Variants in HEATR5B observed in about 807,000 individuals in gnomAD.
The protein encoded by HEATR5B is HEAT repeat containing 5B.
A neutral mutation model predicts 224.1 loss-of-function variants in HEATR5B; 156 were observed. The ratio of observed to expected loss-of-function variants is 0.70; its 90% CI spans 0.61 to 0.80. HEATR5B has a LOEUF of 0.80. Ranked by LOEUF, HEATR5B falls within the 30% of genes least tolerant of loss-of-function variation. The pLI, the probability that HEATR5B is intolerant of heterozygous loss-of-function variation, is 0.00. For synonymous variants in HEATR5B, 1,027 were observed against 893.0 expected (o/e 1.15, Z -2.68); for missense variants, 2,323 against 2,535.5 (o/e 0.92, Z 1.80).
At chr2:37,008,204 A>C in intron 28 of HEATR5B, 1 of 172,000 alleles carries the variant, frequency 5.8e-6, no homozygotes, top group Middle Eastern at 2.7e-3. Context: ...GATTTTGATA[A>C]GAAAACTAAA....
In HEATR5B at chr2:37,072,242, T is replaced by C. The variant is rs1671949805; in HGVS notation, c.637A>G (p.Thr213Ala). 2 of 1,613,672 alleles carry C rather than the reference T, an allele frequency of 1.2e-6. No individual in the cohort carries two copies. The highest frequency in any genetic ancestry group is 1.7e-6 in the Non-Finnish European group (2 of 1,179,746). Reference protein sequence around the residue: ...ELQNEAVFMWTAELENIATLC... With the variant: ...ELQNEAVFMWAAELENIATLC... ...GTGGCTATATTTTCTAGTTCAGCAG[T>C]CCACATAAATACAGCTTCATTCTGT... The change falls in exon 6 of 36, where the codon ACT becomes GCT. Residue 213 changes from threonine to alanine, a missense_variant. Physicochemically the swap from Thr to Ala is moderately conservative, Grantham distance 58. Coordinates refer to ENST00000233099, the MANE Select transcript of HEATR5B (RefSeq NM_019024.3).
chr2:37,028,846 C>A lies in HEATR5B; in HGVS notation c.3436G>T (p.Glu1146Ter). 2 of 1,614,104 alleles carry A rather than the reference C, an allele frequency of 1.2e-6. No homozygotes were observed. The highest frequency in any genetic ancestry group is 1.7e-6 in the Non-Finnish European group (2 of 1,179,972). Reference sequence around the variant, plus strand: ...AAAAGAAGTCCCTCAAGACCAGTTTCTGTTATATTAACACCTTGGTGCCGG... The same window carrying A: ...AAAAGAAGTCCCTCAAGACCAGTTTATGTTATATTAACACCTTGGTGCCGG... ...HCRHQGVNITETGLEGLLFGM... is the reference protein window; with the variant it reads ...HCRHQGVNIT Residue 1146 changes from glutamate (E) to a stop codon, truncating the protein, a stop_gained, in exon 23 of 36, where the codon GAA becomes TAA. Coordinates refer to ENST00000233099, the MANE Select transcript of HEATR5B (RefSeq NM_019024.3). LOFTEE classifies it high-confidence loss of function.
At position 37,020,811 on chromosome 2, in the gene HEATR5B, A is replaced by C. The variant is rs1162076625; in HGVS notation, c.3879T>G (p.Ser1293=). Residue 1293 remains serine (S), a synonymous_variant, in exon 25 of 36, where the codon TCT becomes TCG. Transcript: ENST00000233099. ...CCATGAATGCCATGCGAATGAGGTCAGAGAGATGAAGTACCAAGAGGTCAT... is the reference window on the plus strand; with the variant it reads ...CCATGAATGCCATGCGAATGAGGTCCGAGAGATGAAGTACCAAGAGGTCAT... ...PTNDLLVLHL[S]DLIRMAFMAA... is the part of the protein sequence containing the mutation. 1 of 1,567,232 alleles carries C rather than the reference A, an allele frequency of 6.4e-7. No homozygotes were observed. Among genetic ancestry groups the C allele is most frequent in the East Asian group, 2.3e-5 (1 of 43,438 alleles).
At chr2:36,997,715 C>T (rs1382664320) in intron 33 of HEATR5B, among the ~76,000 whole-genome samples, 3 of 151,704 alleles carry the variant, frequency 2.0e-5, no homozygotes, top group East Asian at 1.9e-4. Flanking sequence ...TACAGGCGCC[C>T]GCCACCACGC....
intron 8 of HEATR5B, among the ~76,000 whole-genome samples, chr2:37,067,470 T>A (rs1333607854): frequency 6.6e-6 from 1 of 152,188 alleles, no homozygotes; most frequent in African/African-American, 2.4e-5. Flanking sequence ...GCTCTATACA[T>A]TTAAAACTAG....
chr2:36,989,179 G>T (rs56163481), intron 34 of HEATR5B, among the ~76,000 whole-genome samples: 1 of 151,920 alleles, frequency 6.6e-6, no homozygotes, highest in African/African-American at 2.4e-5. Flanking sequence ...TCTGCCTCCC[G>T]GGTTCAAGCG....
At position 37,040,359 on chromosome 2, in the gene HEATR5B, T is replaced by C. The variant is rs1314069678; in HGVS notation, c.3016A>G (p.Ile1006Val). 2 of 1,614,016 alleles carry C rather than the reference T, an allele frequency of 1.2e-6. No individual in the cohort carries two copies. Among genetic ancestry groups the C allele is most frequent in the East Asian group, 2.2e-5 (1 of 44,864 alleles). The change falls in exon 20 of 36, where the codon ATA becomes GTA. Residue 1006 changes from isoleucine (I) to valine (V), a missense_variant. By Grantham distance (29) the Ile-to-Val change is conservative. Coordinates refer to ENST00000233099, the MANE Select transcript of HEATR5B (RefSeq NM_019024.3). ...HQCLGRCLGA[I>V]ITTVGPELQG... ...AGTTCAGGGCCAACAGTAGTTATTA[T>C]AGCACCCAAGCATCGACCCAAACAC...
intron 26 of HEATR5B, among the ~76,000 whole-genome samples, chr2:37,016,778 A>G (rs1572812868): frequency 6.6e-6 from 1 of 152,312 alleles, no homozygotes; most frequent in African/African-American, 2.4e-5. Flanking sequence ...AAAGTGGAGA[A>G]TAAGTATTTA....
Position 37,056,431 on chromosome 2 carries a change from T to TA in HEATR5B, c.2399+8dup. On this transcript the variant is annotated intron_variant, in intron 16 of 35. Coordinates refer to ENST00000233099, the MANE Select transcript of HEATR5B (RefSeq NM_019024.3). Reference sequence around the variant, plus strand: ...TTAACAAAAATTACCTGATTGACTTTATACTAACCGGTGTTTATAAGAAAC... The same window carrying TA: ...TTAACAAAAATTACCTGATTGACTTTAATACTAACCGGTGTTTATAAGAAAC... The TA allele has an allele frequency of 6.3e-7, 1 of 1,578,752 alleles. No individual in the cohort carries two copies. Among genetic ancestry groups the TA allele is most frequent in the African/African-American group, 1.4e-5 (1 of 72,762 alleles).
intron 26 of HEATR5B, among the ~76,000 whole-genome samples, chr2:37,019,346 T>C (rs2540999): frequency 0.95 from 143,875 of 152,200 alleles, 68,103 homozygotes; most frequent in East Asian, 1. Context: ...AACAATGTTT[T>C]GACCACAATG....
chr2:37,051,257 G>T (rs537055537), intron 17 of HEATR5B, among the ~76,000 whole-genome samples: 1 of 145,848 alleles, frequency 6.9e-6, no homozygotes, highest in Non-Finnish European at 1.5e-5. Context: ...TCGGGAGGCT[G>T]AGGCAGGAGA....
In HEATR5B at chr2:37,065,747, T is replaced by G. The variant is rs11903252; in HGVS notation, c.1333+8A>C. 423,882 of 1,604,822 alleles carry G rather than the reference T, an allele frequency of 0.26. 58,816 individuals carry two copies. Among genetic ancestry groups the G allele is most frequent in the Admixed American group, 0.44 (25,868 of 58,894 alleles). ...AAACACATACTAGCAAGTAACTGAA[T>G]GTCATACCTATAGATGCTTCTTGAA... On this transcript the variant is annotated splice_region_variant and intron_variant, in intron 9 of 35. Coordinates refer to ENST00000233099, the MANE Select transcript of HEATR5B (RefSeq NM_019024.3).
At chr2:37,027,417 A>G (rs1468809190) in intron 24 of HEATR5B, among the ~76,000 whole-genome samples, 2 of 152,230 alleles carry the variant, frequency 1.3e-5, no homozygotes, top group Non-Finnish European at 2.9e-5. Context: ...AAGATAAAAA[A>G]TAATAAGATA....
intron 27 of HEATR5B, among the ~76,000 whole-genome samples, chr2:37,011,187 G>C (rs1215532007): frequency 5.9e-5 from 9 of 152,172 alleles, no homozygotes; most frequent in African/African-American, 2.2e-4. Context: ...TCTTAGCCTT[G>C]GGAGTGTGAG....
At chr2:37,058,630 T>G in intron 13 of HEATR5B, 70 bp from the exon 14 acceptor site, 1 of 1,029,892 alleles carries the variant, frequency 9.7e-7, no homozygotes. Context: ...TTTTTAGCAA[T>G]GTATCAATGT....
chr2:37,028,198 G>T (rs1185802718), intron 23 of HEATR5B, 24 bp from the exon 24 acceptor site: 1 of 1,513,802 alleles, frequency 6.6e-7, no homozygotes, highest in Admixed American at 1.9e-5. Context: ...AAGGAATATT[G>T]TAACAATCTC....
intron 18 of HEATR5B, among the ~76,000 whole-genome samples, chr2:37,046,612 C>T (rs932020670): frequency 6.8e-6 from 1 of 146,284 alleles, no homozygotes; most frequent in Non-Finnish European, 1.5e-5. Context: ...GCACTCCAGC[C>T]TGGGCAGCAA....
At chr2:36,995,992 C>T (rs1243081439) in intron 33 of HEATR5B, among the ~76,000 whole-genome samples, 2 of 151,444 alleles carry the variant, frequency 1.3e-5, no homozygotes, top group Non-Finnish European at 2.9e-5. Context: ...CTCAAGTGAT[C>T]CTCCCACCTC....
chr2:37,029,031 C>G lies in HEATR5B; in HGVS notation c.3362-111G>C, dbSNP rs564382987. ...TATAAATTCACAACAGCCACAAAAC[C>G]AGCTAGCTATATACAATTTAACTAT... On this transcript the variant is annotated intron_variant, in intron 22 of 35. Transcript: ENST00000233099. 122 of 1,028,276 alleles carry G rather than the reference C, an allele frequency of 1.2e-4. No individual in the cohort carries two copies. In the African/African-American group the frequency reaches 1.9e-3, roughly 16 times the overall value. 63.7% of individuals were successfully genotyped at this position (1,028,276 alleles called of 1,614,324 possible). A position where few individuals can be genotyped will look rare whatever the true frequency, so the allele number is the denominator to read the frequency against.
Sources: allele counts gnomAD v4.1 joint callset (sites outside exome capture counted in the v4.1 genomes callset), GRCh38; gene constraint gnomAD v4.1.1; transcripts MANE v1.5; gene names NCBI Gene and HGNC (gene_info 2026-07-23, HGNC 2026-07-21).